The following BCR variants were observed in gnomAD, a reference collection of about 807,000 sequenced individuals.
BCR encodes BCR activator of RhoGEF and GTPase.
In BCR, 58 loss-of-function variants were observed where a neutral mutation model predicts 138.6. The observed-to-expected ratio is 0.42, with a 90% confidence interval of 0.34 to 0.52. BCR has a LOEUF of 0.52. Ranked by LOEUF, BCR falls within the 20% of genes least tolerant of loss-of-function variation. The pLI, the probability that BCR is intolerant of heterozygous loss-of-function variation, is 0.06. For missense variants in BCR, 1,599 were observed against 1,727.2 expected, an observed-to-expected ratio of 0.93 and a Z score of 1.32; for synonymous variants, 786 against 730.1, an observed-to-expected ratio of 1.08 and a Z score of -1.23.
Position 23,292,627 on chromosome 22 carries a change from A to T in BCR, c.2869A>T (p.Asn957Tyr). Residue 957 changes from asparagine (N) to tyrosine (Y), a missense_variant, in exon 15 of 23, where the codon AAC becomes TAC. Physicochemically the swap from Asn to Tyr is moderately radical, Grantham distance 143. Around this residue, in one of 4 missense-constraint regions of BCR, gnomAD observed 590 missense variants for 762.4 expected, o/e 0.77. Transcript: ENST00000305877. ...CGTCTACAGGGACACAGCTGAGCCAAACTGGAACGAGGTGAGGAACTGATT... is the reference window on the plus strand; with the variant it reads ...CGTCTACAGGGACACAGCTGAGCCATACTGGAACGAGGTGAGGAACTGATT... ...TRVYRDTAEPNWNEEFEIELE... is the reference protein window; with the variant it reads ...TRVYRDTAEPYWNEEFEIELE... 1.2e-6 allele frequency: 2 copies of T among 1,611,562 alleles called. No individual in the cohort carries two copies. The highest frequency in any genetic ancestry group is 8.5e-7 in the Non-Finnish European group (1 of 1,178,448).
In BCR at chr22:23,224,817, G is replaced by T. The variant is rs2072869351; in HGVS notation, c.1280-28982G>T. On this transcript the variant is annotated intron_variant, in intron 1 of 22. Transcript: ENST00000305877. ...TAATCGCTTGAACCCAGAAGGTAGA[G>T]GTTGCAGTAAGCCGAGATCACGCCA... is the stretch of plus-strand genomic sequence containing the variant. 2.0e-5 allele frequency among the ~76,000 whole-genome samples: 3 copies of T among 152,260 alleles called. No homozygotes were observed. In the South Asian group the frequency reaches 6.2e-4, roughly 32 times the overall value.
intron 8 of BCR, 22 bp downstream of exon 8, chr22:23,273,796 T>G: frequency 6.2e-7 from 1 of 1,613,186 alleles, no homozygotes; most frequent in Admixed American, 1.7e-5. Context: ...AGGGGATGGC[T>G]TGGGTCCACC....
intron 8 of BCR, among the ~76,000 whole-genome samples, chr22:23,281,744 C>G (rs930793892): frequency 6.6e-6 from 1 of 152,206 alleles, no homozygotes; most frequent in Non-Finnish European, 1.5e-5. Context: ...GTCCACTGTT[C>G]GAGCCTCCCG....
Position 23,181,069 on chromosome 22 carries a change from C to T in BCR, c.109C>T (p.Arg37Cys), listed in dbSNP as rs774029303. The change falls in exon 1 of 23, where the codon CGC becomes TGC. Residue 37 changes from arginine (R) to cysteine (C), a missense_variant. By Grantham distance (180) the Arg-to-Cys change is radical. This residue lies in a region of BCR where 806 missense variants were observed against 635.0 expected (regional missense o/e 1.27). Transcript: ENST00000305877. ...GGGCGACATCGAGCAGGAGCTGGAG[C>T]GCTGCAAGGCCTCCATTCGGCGCCT... Reference protein sequence around the residue: ...SVGDIEQELERCKASIRRLEQ... With the variant: ...SVGDIEQELECCKASIRRLEQ... 1.1e-5 allele frequency: 16 copies of T among 1,520,488 alleles called. No individual in the cohort carries two copies. The East Asian group carries it at 2.1e-4, about 20-fold the overall frequency. The allele number at this position is 1,520,488 out of a possible 1,614,324, so 94.2% of individuals were successfully genotyped here. A position where few individuals can be genotyped will look rare whatever the true frequency, so the allele number is the denominator to read the frequency against.
intron 6 of BCR, among the ~76,000 whole-genome samples, chr22:23,272,570 G>A (rs940400625): frequency 6.6e-6 from 1 of 152,102 alleles, no homozygotes; most frequent in Non-Finnish European, 1.5e-5. Flanking sequence ...TCTGGAGTCC[G>A]GGTGTCCTCG....
intron 2 of BCR, among the ~76,000 whole-genome samples, chr22:23,258,692 C>T (rs114119133): frequency 0.024 from 3,690 of 152,250 alleles, 69 homozygotes; most frequent in Non-Finnish European, 0.027. Flanking sequence ...TACTCACATA[C>T]GATAGGTAGA....
intron 8 of BCR, among the ~76,000 whole-genome samples, chr22:23,276,060 C>T (rs748097902): frequency 6.6e-6 from 1 of 152,132 alleles, no homozygotes; most frequent in African/African-American, 2.4e-5. Flanking sequence ...CCACGCTTAC[C>T]CATGGTCATG....
At chr22:23,252,526 G>T (rs1434215818) in intron 1 of BCR, among the ~76,000 whole-genome samples, 1 of 146,308 alleles carries the variant, frequency 6.8e-6, no homozygotes, top group Non-Finnish European at 1.5e-5. Context: ...CACCTCCCAG[G>T]TTCAAGCGAT....
chr22:23,302,562 T>C (rs2073914645), intron 16 of BCR: 1 of 152,398 alleles, frequency 6.6e-6, no homozygotes, highest in South Asian at 2.1e-4. Flanking sequence ...CACAGAAGGC[T>C]CCTGGTGTCA....
intron 5 of BCR, 31 bp downstream of exon 5, chr22:23,268,546 A>G: frequency 1.9e-6 from 3 of 1,561,666 alleles, no homozygotes; most frequent in Non-Finnish European, 2.6e-6. Context: ...AGACAGGTGC[A>G]CCGCTGACTC....
At chr22:23,266,542 G>A (rs189824318) in intron 4 of BCR, among the ~76,000 whole-genome samples, 31 of 152,044 alleles carry the variant, frequency 2.0e-4, no homozygotes, top group East Asian at 1.2e-3. Context: ...GGCATGCGCC[G>A]TCACGCCCGT....
At chr22:23,199,187 TC>T (rs753788628) in intron 1 of BCR, 1 of 452,016 alleles carries the variant, frequency 2.2e-6, no homozygotes, top group South Asian at 1.6e-5. Context: ...AAGTCTGGTT[TC>T]CTCTCTCATG....
chr22:23,258,228 C>T (rs1288820907), intron 2 of BCR, among the ~76,000 whole-genome samples: 1 of 151,922 alleles, frequency 6.6e-6, no homozygotes, highest in Admixed American at 6.6e-5. Context: ...AGTGTGCACA[C>T]ACTTAGGAGA....
chr22:23,311,290 G>A (rs1452847440), intron 18 of BCR, among the ~76,000 whole-genome samples: 1 of 149,256 alleles, frequency 6.7e-6, no homozygotes, highest in Non-Finnish European at 1.5e-5. Flanking sequence ...CCAGGCCCAG[G>A]GCAGGGGTCA....
intron 1 of BCR, among the ~76,000 whole-genome samples, chr22:23,232,251 AC>A (rs2072967347): frequency 6.6e-6 from 1 of 152,088 alleles, no homozygotes; most frequent in Non-Finnish European, 1.5e-5. Flanking sequence ...GGTGCCTAGC[AC>A]CTCACAGGGA....
At chr22:23,248,070 G>A (rs905199149) in intron 1 of BCR, among the ~76,000 whole-genome samples, 7 of 152,186 alleles carry the variant, frequency 4.6e-5, no homozygotes, top group Admixed American at 1.3e-4. Flanking sequence ...GAGGCTGGGC[G>A]CAGTGGCTCA....
rs1360472271 is a variant in BCR, at chr22:23,234,965, C to T, written c.1280-18834C>T. Among the ~76,000 whole-genome samples, 4 of 143,908 alleles carry T rather than the reference C, an allele frequency of 2.8e-5. 1 individual carries two copies. The highest frequency in any genetic ancestry group is 6.3e-5 in the Non-Finnish European group (4 of 63,224). 94.4% of individuals were successfully genotyped at this position (143,908 alleles called of 152,430 possible). A position where few individuals can be genotyped will look rare whatever the true frequency, so the allele number is the denominator to read the frequency against. On this transcript the variant is annotated intron_variant, in intron 1 of 22. Coordinates refer to ENST00000305877, the MANE Select transcript of BCR (RefSeq NM_004327.4). Reference sequence around the variant, plus strand: ...GCTTAGAGGAGTCAGGCTCCTCCCCCGACTCTGTGGCCACACATTGTCCCT... The same window carrying T: ...GCTTAGAGGAGTCAGGCTCCTCCCCTGACTCTGTGGCCACACATTGTCCCT...
chr22:23,269,978 G>A (rs2073491702), intron 5 of BCR, among the ~76,000 whole-genome samples: 3 of 152,066 alleles, frequency 2.0e-5, no homozygotes, highest in African/African-American at 4.8e-5. Flanking sequence ...AGTGGGATGG[G>A]GCTCAGGACC....
Position 23,181,994 on chromosome 22 carries a change from T to G in BCR, c.1034T>G (p.Phe345Cys). Residue 345 changes from phenylalanine (F) to cysteine (C), a missense_variant, in exon 1 of 23, where the codon TTC (phenylalanine) becomes TGC (cysteine). Phe to Cys is a radical substitution (Grantham distance 205). Around this residue, in one of 4 missense-constraint regions of BCR, gnomAD observed 806 missense variants for 635.0 expected, o/e 1.27. Transcript: ENST00000305877. Reference protein sequence around the residue: ...NENLTSSEEDFSSGQSSRVSP... With the variant: ...NENLTSSEEDCSSGQSSRVSP... ...AACCTCACCTCCAGCGAGGAGGACT[T>G]CTCCTCTGGCCAGTCCAGCCGCGTG... 1 of 1,613,392 alleles carries G rather than the reference T, an allele frequency of 6.2e-7. No homozygotes were observed. Among genetic ancestry groups the G allele is most frequent in the Non-Finnish European group, 8.5e-7 (1 of 1,179,930 alleles).
Sources: allele counts gnomAD v4.1 joint callset (sites outside exome capture counted in the v4.1 genomes callset), GRCh38; gene constraint gnomAD v4.1.1; regional missense constraint gnomAD v4.1.1; transcripts MANE v1.5; gene names NCBI Gene and HGNC (gene_info 2026-07-23, HGNC 2026-07-21).